Variants in PATL2 observed in about 807,000 individuals in gnomAD.
PATL2 encodes PAT1 homolog 2.
In PATL2, 73 loss-of-function variants were observed where a neutral mutation model predicts 77.0. That is an observed-to-expected ratio of 0.95 (90% CI 0.78 to 1.15). The LOEUF (loss-of-function observed/expected upper bound fraction) is 1.15. Among genes scored for constraint, PATL2 ranks in the 50% most tolerant of loss-of-function variants. The probability of loss-of-function intolerance (pLI) is 0.00; values close to 1 mark genes in which losing one functional copy is unlikely to be tolerated. For missense variants in PATL2, 618 were observed against 655.4 expected, an observed-to-expected ratio of 0.94 and a Z score of 0.62; for synonymous variants, 265 against 257.1, an observed-to-expected ratio of 1.03 and a Z score of -0.29.
chr15:44,669,542 G>T lies in PATL2; in HGVS notation c.898C>A (p.Gln300Lys). ...ATCCGGTATAATACCCGAAGCCTCTGACTGCTTGCAGCTTCTATATCCTAG... is the reference window on the plus strand; with the variant it reads ...ATCCGGTATAATACCCGAAGCCTCTTACTGCTTGCAGCTTCTATATCCTAG... The part of the protein sequence containing the change: ...QEQDIEAASS[Q>K]RLRVLYRIEK... Residue 300 changes from glutamine to lysine, a missense_variant, in exon 12 of 18, where the codon CAG becomes AAG. Transcript: ENST00000682850. The T allele has an allele frequency of 6.4e-7, 1 of 1,551,334 alleles. No individual in the cohort carries two copies. Among genetic ancestry groups the T allele is most frequent in the South Asian group, 1.2e-5 (1 of 84,042 alleles).
chr15:44,671,803 G>C (rs1032830863), intron 9 of PATL2, among the ~76,000 whole-genome samples: 3 of 152,206 alleles, frequency 2.0e-5, no homozygotes, highest in Admixed American at 6.5e-5. Context: ...TGGGGAACTG[G>C]AAATAATCTT....
rs267604224 is a variant in PATL2, at chr15:44,670,051, C to T, written c.694G>A (p.Glu232Lys). The change falls in exon 10 of 18, where the codon GAA (glutamate) becomes AAA (lysine). Residue 232 changes from glutamate to lysine, a missense_variant. By Grantham distance (56) the Glu-to-Lys change is moderately conservative. Transcript: ENST00000682850. ...CGGTTTCTTCGTCCAAGTAGCTCTT[C>T]GTCTGCCTGCTTCTTCTCTAGCTTC... The part of the protein sequence containing the change: ...YQKLEKKQAD[E>K]ELLGRRNRVE... 1.9e-5 allele frequency: 30 copies of T among 1,551,490 alleles called. No homozygotes were observed. Among genetic ancestry groups the T allele is most frequent in the South Asian group, 9.5e-5 (8 of 83,998 alleles).
In PATL2 at chr15:44,666,486, G is replaced by C. The variant is rs1156483192; in HGVS notation, c.1519C>G (p.Leu507Val). ...CTGGGGAAAGCTAGGGGTTCTGCCA[G>C]AGAGGCTGTAGGCATTTGGGCTATC... ...WEIAQMPTAS[L>V]AEPLAFPSNL... is the part of the protein sequence containing the mutation. Residue 507 changes from leucine (L) to valine (V), a missense_variant, in exon 17 of 18, where the codon CTG becomes GTG. By Grantham distance (32) the Leu-to-Val change is conservative (BLOSUM62 1). Transcript: ENST00000682850. The C allele has an allele frequency of 2.6e-6, 4 of 1,551,542 alleles. No individual in the cohort carries two copies. The highest frequency in any genetic ancestry group is 2.7e-5 in the African/African-American group (2 of 73,054).
At chr15:44,700,303 C>A (rs2086601518) in intron 3 of PATL2, among the ~76,000 whole-genome samples, 3 of 151,564 alleles carry the variant, frequency 2.0e-5, no homozygotes, top group South Asian at 4.2e-4. Flanking sequence ...TTTTTATTTT[C>A]TTTCTTTTTG....
intron 3 of PATL2, among the ~76,000 whole-genome samples, chr15:44,681,784 A>G (rs2086138787): frequency 6.6e-6 from 1 of 152,186 alleles, no homozygotes; most frequent in African/African-American, 2.4e-5. Context: ...GACACCCCTC[A>G]ACTTACAACA....
At chr15:44,697,509 G>T (rs2086532654) in intron 3 of PATL2, 1 of 152,118 alleles carries the variant, frequency 6.6e-6, no homozygotes, top group South Asian at 2.1e-4. Flanking sequence ...ACAGAAAAAA[G>T]TAAATGTCAG....
chr15:44,708,565 A>G (rs1595993517), intron 3 of PATL2, among the ~76,000 whole-genome samples: 1 of 152,124 alleles, frequency 6.6e-6, no homozygotes, highest in Non-Finnish European at 1.5e-5. Flanking sequence ...ATCATATAGT[A>G]TATGTTCTTT....
At chr15:44,688,286 A>T (rs2086309095) in intron 3 of PATL2, among the ~76,000 whole-genome samples, 1 of 151,438 alleles carries the variant, frequency 6.6e-6, no homozygotes, top group African/African-American at 2.4e-5. Flanking sequence ...AATAATAATA[A>T]AAAAAATGCT....
At chr15:44,711,363 G>A (rs2086858164), upstream of PATL2, 1 of 710,416 alleles carries the variant, frequency 1.4e-6, no homozygotes, top group Admixed American at 2.1e-5. Flanking sequence ...TAAACATCAC[G>A]AGACTCTAAG....
chr15:44,676,564 A>C lies in PATL2; in HGVS notation c.-74T>G. 1.9e-6 allele frequency: 3 copies of C among 1,549,852 alleles called. No individual in the cohort carries two copies. The South Asian group carries it at 3.6e-5, about 18-fold the overall frequency. On this transcript the variant is annotated splice_region_variant and 5_prime_UTR_variant, in exon 4 of 18. Coordinates refer to ENST00000682850, the MANE Select transcript of PATL2 (RefSeq NM_001387263.1). ...AGCATTGCCAGCCTCTGGAAGGTAA[A>C]CCTGAGACAAGAAAGAGGCCAAGAG...
chr15:44,666,284 C>A, intron 17 of PATL2, 108 bp downstream of exon 17: 1 of 1,402,470 alleles, frequency 7.1e-7, no homozygotes, highest in South Asian at 1.3e-5. Context: ...TCTAAAAACA[C>A]ATGATCCTTC....
At chr15:44,667,024 T>C in intron 16 of PATL2, 82 bp downstream of exon 16, 1 of 1,101,236 alleles carries the variant, frequency 9.1e-7, no homozygotes, top group Admixed American at 2.1e-5. Context: ...TACTTGAAAA[T>C]GCCTCAGGAA....
rs149924243 is a variant in PATL2, at chr15:44,699,312, G to A, written c.-76+10784C>T. Among the ~76,000 whole-genome samples the A allele has an allele frequency of 2.0e-3, 311 of 152,108 alleles. 1 individual carries two copies. The highest frequency in any genetic ancestry group is 7.1e-3 in the African/African-American group (295 of 41,498). On this transcript the variant is annotated intron_variant, in intron 3 of 17. Coordinates refer to ENST00000682850, the MANE Select transcript of PATL2 (RefSeq NM_001387263.1). ...AGAGTTTCCACAATGTTTTCTTTTA[G>A]CAGTTTCATAGCTTGAGGTCTTAGA...
At chr15:44,682,687 G>A (rs560812030) in intron 3 of PATL2, among the ~76,000 whole-genome samples, 4 of 152,190 alleles carry the variant, frequency 2.6e-5, no homozygotes, top group Non-Finnish European at 5.9e-5. Context: ...GAAAAGATAC[G>A]TAGATTTCAC....
intron 3 of PATL2, among the ~76,000 whole-genome samples, chr15:44,707,695 G>A (rs1484510131): frequency 6.6e-6 from 1 of 152,204 alleles, no homozygotes; most frequent in Non-Finnish European, 1.5e-5. Flanking sequence ...GCCTGGGGTT[G>A]GGAGAGGGGT....
intron 4 of PATL2, chr15:44,675,999 C>A: frequency 7.6e-6 from 3 of 395,164 alleles, no homozygotes; most frequent in Non-Finnish European, 9.1e-6. Flanking sequence ...CTGGGCAACA[C>A]AGTGAGACCC....
chr15:44,666,047 CTCTT>C (rs1229177984), intron 17 of PATL2, 76 bp from the exon 18 acceptor site: 3 of 1,305,770 alleles, frequency 2.3e-6, no homozygotes, highest in Admixed American at 2.7e-5. Context: ...TAGTATCTGA[CTCTT>C]TCTAGCAGTA....
At chr15:44,669,907 C>T (rs1380069310) in intron 10 of PATL2, 33 bp from the exon 11 acceptor site, 23 of 1,550,902 alleles carry the variant, frequency 1.5e-5, no homozygotes, top group Non-Finnish European at 2.0e-5. Context: ...TTCCTTCCCC[C>T]TCCCACACTC....
At chr15:44,708,440 A>C (rs1310287668) in intron 3 of PATL2, among the ~76,000 whole-genome samples, 1 of 152,224 alleles carries the variant, frequency 6.6e-6, no homozygotes, top group Non-Finnish European at 1.5e-5. Flanking sequence ...TAACATATCC[A>C]TCAACCCTAA....
Sources: gnomAD v4.1 joint callset for allele counts (sites outside exome capture counted in the v4.1 genomes callset) on GRCh38, gnomAD v4.1.1 for gene constraint, MANE v1.5 for transcripts, NCBI Gene and HGNC (gene_info 2026-07-23, HGNC 2026-07-21) for gene names.